Variants in EPM2A observed in about 807,000 individuals in gnomAD.
EPM2A encodes the protein laforin.
EPM2A carries 21 observed loss-of-function variants against 26.5 expected under a neutral mutation model. The observed-to-expected ratio is 0.79, with a 90% confidence interval of 0.56 to 1.14. EPM2A has a LOEUF of 1.14. Among genes scored for constraint, EPM2A ranks in the 50% most tolerant of loss-of-function variants. EPM2A has a pLI of 0.00. For missense variants in EPM2A, 458 were observed against 440.8 expected (o/e 1.04, Z -0.35); for synonymous variants, 217 against 177.6 (o/e 1.22, Z -1.76).
chr6:145,562,476 T>G (rs577157431), intron 2 of EPM2A, among the ~76,000 whole-genome samples: 1 of 152,262 alleles, frequency 6.6e-6, no homozygotes, highest in African/African-American at 2.4e-5. Flanking sequence ...ATAAATTAAA[T>G]AAATCACTAG....
At chr6:145,690,480 G>A (rs1018581105) in intron 1 of EPM2A, among the ~76,000 whole-genome samples, 3 of 137,168 alleles carry the variant, frequency 2.2e-5, no homozygotes, top group African/African-American at 5.5e-5. Context: ...ACTGCAGTCC[G>A]CAGTCCGGCC....
At chr6:145,470,283 T>A in intron 4 of EPM2A, among the ~76,000 whole-genome samples, 1 of 118,656 alleles carries the variant, frequency 8.4e-6, no homozygotes, top group Non-Finnish European at 2.0e-5. Flanking sequence ...TATTTTAATG[T>A]ACCTCATAAA....
At chr6:145,534,450 G>A (rs774920264) in intron 2 of EPM2A, among the ~76,000 whole-genome samples, 8 of 152,206 alleles carry the variant, frequency 5.3e-5, no homozygotes, top group Non-Finnish European at 1.2e-4. Context: ...CTTAAAGGAG[G>A]GGGAGGAATT....
chr6:145,681,861 G>T (rs1363678492), intron 2 of EPM2A, among the ~76,000 whole-genome samples: 2 of 152,046 alleles, frequency 1.3e-5, no homozygotes, highest in African/African-American at 4.8e-5. Context: ...TGTTCTCTAG[G>T]TTGCCATATG....
intron 4 of EPM2A, among the ~76,000 whole-genome samples, chr6:145,435,316 C>G (rs1260900761): frequency 1.3e-5 from 2 of 150,688 alleles, no homozygotes; most frequent in African/African-American, 4.9e-5. Flanking sequence ...AAGATAAATA[C>G]CAGAACAAAC....
At chr6:145,594,060 A>G (rs1781308863) in intron 2 of EPM2A, among the ~76,000 whole-genome samples, 1 of 151,894 alleles carries the variant, frequency 6.6e-6, no homozygotes, top group Admixed American at 6.6e-5. Flanking sequence ...AATTACCAAT[A>G]TAAGTTTTTT....
chr6:145,631,376 C>A (rs1776238735), intron 3 of EPM2A: 1 of 152,112 alleles, frequency 6.6e-6, no homozygotes, highest in Non-Finnish European at 1.5e-5. Flanking sequence ...AAATCCAGAT[C>A]TTTTAACATA....
intron 2 of EPM2A, among the ~76,000 whole-genome samples, chr6:145,671,668 C>T (rs1015915227): frequency 2.0e-5 from 3 of 152,116 alleles, no homozygotes; most frequent in African/African-American, 4.8e-5. Context: ...ACCCTAGCTC[C>T]TTAGTCTGTC....
chr6:145,479,317 G>A (rs1324092679), intron 4 of EPM2A, among the ~76,000 whole-genome samples: 18 of 145,394 alleles, frequency 1.2e-4, no homozygotes, highest in African/African-American at 4.0e-4. Context: ...ATATATATGT[G>A]TATATATATA....
intron 2 of EPM2A, among the ~76,000 whole-genome samples, chr6:145,543,490 C>T (rs1017832000): frequency 2.0e-5 from 3 of 151,904 alleles, no homozygotes; most frequent in African/African-American, 7.2e-5. Context: ...AAACGACTTG[C>T]CCAAGGCCAT....
chr6:145,452,397 A>AG (rs1247573205), intron 4 of EPM2A, among the ~76,000 whole-genome samples: 2 of 148,672 alleles, frequency 1.3e-5, no homozygotes, highest in African/African-American at 5.0e-5. Context: ...CTATCAGTAG[A>AG]GAAACTGGGA....
At chr6:145,468,608 T>A (rs1296874268) in intron 4 of EPM2A, among the ~76,000 whole-genome samples, 2 of 145,022 alleles carry the variant, frequency 1.4e-5, no homozygotes, top group African/African-American at 5.2e-5. Context: ...GACCTCTATC[T>A]CTCATCATAT....
At chr6:145,481,075 C>T (rs6937701) in intron 4 of EPM2A, among the ~76,000 whole-genome samples, 84 of 152,214 alleles carry the variant, frequency 5.5e-4, no homozygotes, top group African/African-American at 2.0e-3. Flanking sequence ...AGAATTTCCA[C>T]TATCAGCATT....
intron 2 of EPM2A, among the ~76,000 whole-genome samples, chr6:145,542,985 T>G (rs1276952933): frequency 1.3e-5 from 2 of 152,070 alleles, no homozygotes; most frequent in Non-Finnish European, 2.9e-5. Flanking sequence ...TCTCGAAATC[T>G]TGACCTCAGG....
chr6:145,727,972 C>T (rs187688398), intron 1 of EPM2A, among the ~76,000 whole-genome samples: 3 of 152,256 alleles, frequency 2.0e-5, no homozygotes, highest in Admixed American at 1.3e-4. Flanking sequence ...AAAGTGCATT[C>T]TCATGAGATC....
chr6:145,415,295 T>A lies in EPM2A; in HGVS notation c.556-31198A>T, dbSNP rs538537374. ...ACCTGAGCCATACTGTTGGCTTTCA[T>A]AAAATTTAAAGACATTCTGAAATCT... is the stretch of plus-strand genomic sequence containing the variant. On this transcript the variant is annotated intron_variant, in intron 4 of 4. Transcript: ENST00000638717. Among the ~76,000 whole-genome samples the A allele has an allele frequency of 9.2e-5, 14 of 152,344 alleles. 1 individual carries two copies. In the South Asian group the frequency reaches 2.9e-3, roughly 32 times the overall value.
intron 2 of EPM2A, among the ~76,000 whole-genome samples, chr6:145,675,986 T>G (rs930823230): frequency 2.0e-5 from 3 of 152,170 alleles, no homozygotes; most frequent in Admixed American, 1.3e-4. Context: ...TACATTCTTC[T>G]CAGCACCATA....
intron 4 of EPM2A, among the ~76,000 whole-genome samples, chr6:145,451,126 T>G (rs2114708737): frequency 6.6e-6 from 1 of 152,332 alleles, no homozygotes; most frequent in African/African-American, 2.4e-5. Context: ...ATTTAGAATT[T>G]TAGAAAACAT....
At chr6:145,456,380 A>G (rs1359992290) in intron 4 of EPM2A, among the ~76,000 whole-genome samples, 1 of 152,222 alleles carries the variant, frequency 6.6e-6, no homozygotes, top group Non-Finnish European at 1.5e-5. Flanking sequence ...TTGCAAAAAG[A>G]CTAATCTACA....
Sources: allele counts gnomAD v4.1 joint callset (sites outside exome capture counted in the v4.1 genomes callset), GRCh38; gene constraint gnomAD v4.1.1; transcripts MANE v1.5; gene names NCBI Gene and HGNC (gene_info 2026-07-23, HGNC 2026-07-21).